DHRSX: variants seen among roughly 807,000 people sequenced by gnomAD.
DHRSX encodes the protein dehydrogenase/reductase X-linked.
DHRSX carries 31 observed loss-of-function variants against 34.0 expected under a neutral mutation model. The ratio of observed to expected loss-of-function variants is 0.91; its 90% CI spans 0.69 to 1.23. DHRSX has a LOEUF of 1.23. Among genes scored for constraint, DHRSX ranks in the 50% most tolerant of loss-of-function variants. The pLI is 0.00. For synonymous variants in DHRSX, 201 were observed against 183.8 expected (o/e 1.09, Z -0.76); for missense variants, 414 against 428.1 (o/e 0.97, Z 0.29).
Position 2,221,194 on chromosome X carries a change from T to G in DHRSX, c.840A>C (p.Ala280=), listed in dbSNP as rs769176173. The G allele has an allele frequency of 1.2e-6, 2 of 1,613,862 alleles. No homozygotes were observed. The highest frequency in any genetic ancestry group is 4.5e-5 in the East Asian group (2 of 44,890). Residue 280 remains alanine (A), a synonymous_variant, in exon 7 of 7, where the codon GCA becomes GCC. Coordinates refer to ENST00000334651, the MANE Select transcript of DHRSX (RefSeq NM_145177.3). ...PDEGAWTSIY[A]AVTPELEGVG... is the part of the protein sequence containing the mutation. ...CTCCTTCCAGCTCTGGGGTGACTGCTGCGTAGATGGAAGTCCACGCTCCTT... is the reference window on the plus strand; with the variant it reads ...CTCCTTCCAGCTCTGGGGTGACTGCGGCGTAGATGGAAGTCCACGCTCCTT...
At chrX:2,304,023 T>TGATGGATGGATGGATG (rs745829295) in intron 3 of DHRSX, among the ~76,000 whole-genome samples, 13 of 67,868 alleles carry the variant, frequency 1.9e-4, no homozygotes, top group Middle Eastern at 0.019. Context: ...ATGGATGAAC[T>TGATGGATGGATGGATG]GATGGATGGA....
At chrX:2,246,206 G>C (rs1189052877) in intron 5 of DHRSX, among the ~76,000 whole-genome samples, 2 of 151,990 alleles carry the variant, frequency 1.3e-5, no homozygotes, top group Admixed American at 1.3e-4. Flanking sequence ...AGATCAAAAA[G>C]CCTAAAAGAA....
intron 3 of DHRSX, among the ~76,000 whole-genome samples, chrX:2,304,182 T>TGAAC (rs2042066374): frequency 8.7e-6 from 1 of 114,670 alleles, no homozygotes; most frequent in African/African-American, 3.7e-5. Flanking sequence ...GATGGATGGA[T>TGAAC]GGATGGATGG....
intron 1 of DHRSX, among the ~76,000 whole-genome samples, chrX:2,497,655 T>C (rs1260613363): frequency 6.6e-6 from 1 of 152,216 alleles, no homozygotes; most frequent in Non-Finnish European, 1.5e-5. Context: ...CTGTGGCCTA[T>C]TATTTACAAT....
At chrX:2,248,370 T>C (rs898504312) in intron 5 of DHRSX, among the ~76,000 whole-genome samples, 30 of 150,638 alleles carry the variant, frequency 2.0e-4, no homozygotes, top group Admixed American at 5.4e-4. Flanking sequence ...GAGGCGGAGC[T>C]TGCAGTGAGT....
intron 1 of DHRSX, among the ~76,000 whole-genome samples, chrX:2,468,469 A>G (rs2044531722): frequency 1.5e-5 from 2 of 131,094 alleles, no homozygotes; most frequent in African/African-American, 5.3e-5. Context: ...AGCAGTTTAC[A>G]GGATGAAAAG....
At chrX:2,418,193 T>A (rs1043836246) in intron 2 of DHRSX, among the ~76,000 whole-genome samples, 2 of 152,150 alleles carry the variant, frequency 1.3e-5, no homozygotes, top group Non-Finnish European at 2.9e-5. Flanking sequence ...CATTAAGACC[T>A]AATCAAACCA....
intron 3 of DHRSX, among the ~76,000 whole-genome samples, chrX:2,304,312 A>AATGGATGGATGGATGGATGGATGAATGG (rs2042073526): frequency 1.0e-5 from 1 of 97,184 alleles, no homozygotes; most frequent in Non-Finnish European, 2.2e-5. Flanking sequence ...TGGATGGATG[A>AATGGATGGATGGATGGATGGATGAATGG]ATGGATGGAT....
At chrX:2,257,949 C>A (rs1163338582) in intron 5 of DHRSX, among the ~76,000 whole-genome samples, 1 of 152,006 alleles carries the variant, frequency 6.6e-6, no homozygotes, top group African/African-American at 2.4e-5. Context: ...TTTAAAGATG[C>A]GATTCAGGTA....
chrX:2,259,328 A>G (rs2041324654), intron 5 of DHRSX, among the ~76,000 whole-genome samples: 1 of 146,650 alleles, frequency 6.8e-6, no homozygotes, highest in East Asian at 1.9e-4. Flanking sequence ...ATAGATAGAT[A>G]TAGATATATA....
At chrX:2,392,231 A>G (rs923747219) in intron 3 of DHRSX, 2 of 154,666 alleles carry the variant, frequency 1.3e-5, no homozygotes, top group African/African-American at 4.8e-5. Context: ...CTTCACTTCA[A>G]TGGGATTTAA....
At chrX:2,275,840 AAT>A (rs2041624036) in intron 4 of DHRSX, among the ~76,000 whole-genome samples, 1 of 148,594 alleles carries the variant, frequency 6.7e-6, no homozygotes. Context: ...TTTTTTTAAA[AAT>A]TTTAATTTAA....
At chrX:2,264,012 G>A (rs2041402098) in intron 5 of DHRSX, among the ~76,000 whole-genome samples, 4 of 152,218 alleles carry the variant, frequency 2.6e-5, no homozygotes, top group Admixed American at 2.6e-4. Context: ...GGGCACAAGA[G>A]AAGGTTTAAA....
At position 2,449,224 on chromosome X, in the gene DHRSX, G is replaced by A. The variant is rs1483633893; in HGVS notation, c.110-23920C>T. ...AAAAAATGTGTCCACTCTGCACCCTGACCAGAAGAGACGACCTTCAAATGA... is the reference window on the plus strand; with the variant it reads ...AAAAAATGTGTCCACTCTGCACCCTAACCAGAAGAGACGACCTTCAAATGA... On this transcript the variant is annotated intron_variant, in intron 1 of 6. Transcript: ENST00000334651. 5.3e-5 allele frequency among the ~76,000 whole-genome samples: 8 copies of A among 151,296 alleles called. 1 individual carries two copies. The highest frequency in any genetic ancestry group is 2.0e-4 in the Admixed American group (3 of 15,176).
At chrX:2,405,167 G>A (rs2043536333) in intron 3 of DHRSX, among the ~76,000 whole-genome samples, 1 of 152,158 alleles carries the variant, frequency 6.6e-6, no homozygotes, top group South Asian at 2.1e-4. Context: ...TCAGCTCTGT[G>A]TAGCGTTCAT....
chrX:2,289,802 T>C (rs2041845733), intron 4 of DHRSX, among the ~76,000 whole-genome samples: 1 of 152,322 alleles, frequency 6.6e-6, no homozygotes, highest in East Asian at 1.9e-4. Context: ...GGGAAATCAT[T>C]TATGCCTGCG....
At chrX:2,304,202 T>TG (rs1439199043) in intron 3 of DHRSX, among the ~76,000 whole-genome samples, 2 of 57,336 alleles carry the variant, frequency 3.5e-5, no homozygotes, top group African/African-American at 1.8e-4. Context: ...GATGGATGGA[T>TG]AAATGGATGG....
intron 1 of DHRSX, chrX:2,489,571 G>T: frequency 6.2e-7 from 1 of 1,612,698 alleles, no homozygotes; most frequent in Non-Finnish European, 8.5e-7. Flanking sequence ...CCAGCATGAG[G>T]TGGTGGTTGT....
At chrX:2,366,698 A>G (rs2042997720) in intron 3 of DHRSX, among the ~76,000 whole-genome samples, 1 of 152,048 alleles carries the variant, frequency 6.6e-6, no homozygotes, top group Admixed American at 6.6e-5. Flanking sequence ...CCTGGGCTCA[A>G]GCAATCCTCC....
Sources: allele counts gnomAD v4.1 joint callset (sites outside exome capture counted in the v4.1 genomes callset), GRCh38; gene constraint gnomAD v4.1.1; transcripts MANE v1.5; gene names NCBI Gene and HGNC (gene_info 2026-07-23, HGNC 2026-07-21).